Variants in HEATR4 observed in about 807,000 individuals in gnomAD.
HEATR4 encodes HEAT repeat-containing protein 4.
Under a neutral mutation model 108.8 loss-of-function variants are expected in HEATR4, and 95 were observed. The observed-to-expected ratio is 0.87, with a 90% CI of 0.74 to 1.04. The LOEUF (loss-of-function observed/expected upper bound fraction) is 1.04, where lower values mean the gene tolerates loss of function less well. HEATR4 is among the 50% of genes least tolerant of loss of function. The probability of loss-of-function intolerance (pLI) is 0.00; values close to 1 mark genes in which losing one functional copy is unlikely to be tolerated. For missense variants in HEATR4, 1,152 were observed against 1,253.8 expected, an observed-to-expected ratio of 0.92 and a Z score of 1.23; for synonymous variants, 443 against 459.4, an observed-to-expected ratio of 0.96 and a Z score of 0.46.
chr14:73,586,021 C>CAA, the HEATR4 span, among the ~76,000 whole-genome samples: 33 of 96,458 alleles, frequency 3.4e-4, no homozygotes, highest in African/African-American at 6.4e-4. Context: ...AAAAAAAAAC[C>CAA]AAAAAAAAAA....
intron 1 of HEATR4, among the ~76,000 whole-genome samples, chr14:73,552,757 C>A (rs1889342049): frequency 9.4e-6 from 1 of 106,570 alleles, no homozygotes; most frequent in Non-Finnish European, 1.9e-5. Context: ...CCCACAACAC[C>A]TTGGGCCCTC....
At chr14:73,558,267 A>C in intron 1 of HEATR4, among the ~76,000 whole-genome samples, 2 of 137,080 alleles carry the variant, frequency 1.5e-5, no homozygotes, top group East Asian at 2.2e-4. Context: ...TTTCCCCTCT[A>C]CTTTCTAATT....
At chr14:73,529,989 G>A (rs1266031088) in intron 2 of HEATR4, among the ~76,000 whole-genome samples, 177 bp downstream of exon 2, 1 of 140,508 alleles carries the variant, frequency 7.1e-6, no homozygotes, top group Non-Finnish European at 1.5e-5. Context: ...TTTGAGACAG[G>A]GCCTCACTCT....
chr14:73,532,954 C>CA lies in HEATR4; in HGVS notation c.-151-2711dup, dbSNP rs1238461025. On this transcript the variant is annotated intron_variant, in intron 1 of 17. Transcript: ENST00000553558. ...TGGGTGACAGAGCAAGACTCCATCT[C>CA]AAAAAAATAAATAAATAAATAAAAA... Among the ~76,000 whole-genome samples the CA allele has an allele frequency of 7.4e-3, 763 of 103,766 alleles. 140 individuals carry two copies. The highest frequency in any genetic ancestry group is 0.021 in the African/African-American group (707 of 32,904). 68.1% of individuals were successfully genotyped at this position (103,766 alleles called of 152,430 possible). A position where few individuals can be genotyped will look rare whatever the true frequency, so the allele number is the denominator to read the frequency against.
the HEATR4 span, among the ~76,000 whole-genome samples, chr14:73,594,710 T>C: frequency 2.6e-5 from 4 of 151,060 alleles, no homozygotes; most frequent in Non-Finnish European, 5.9e-5. Flanking sequence ...ATTTATTTAT[T>C]TATCTTTTGA....
chr14:73,502,939 C>T lies in HEATR4; in HGVS notation c.2061G>A (p.Ala687=), dbSNP rs766767211. ...CTTTCCCGAGGCTCATTTGCCCAAG[C>T]GCCTGTGCAGCTGCTCTCCTCACTT... The part of the protein sequence containing the change: ...NKEVRRAAAQ[A]LGQMSLGKEV... Residue 687 remains alanine (A), a synonymous_variant, in exon 11 of 18, where the codon GCG becomes GCA. Transcript: ENST00000553558. The T allele has an allele frequency of 2.1e-5, 34 of 1,614,052 alleles. No individual in the cohort carries two copies. The highest frequency in any genetic ancestry group is 1.6e-4 in the Middle Eastern group (1 of 6,062).
chr14:73,578,537 C>T, the HEATR4 span, among the ~76,000 whole-genome samples: 2 of 152,020 alleles, frequency 1.3e-5, no homozygotes, highest in East Asian at 3.8e-4. Context: ...CCTAGTTAGT[C>T]TTTATTAGTT....
the HEATR4 span, chr14:73,568,182 T>C: frequency 1.3e-5 from 2 of 151,854 alleles, no homozygotes; most frequent in African/African-American, 4.8e-5. Context: ...ACATGAGAGA[T>C]TTGGAACGAG....
chr14:73,583,348 CAAAA>C, the HEATR4 span, among the ~76,000 whole-genome samples: 11 of 129,094 alleles, frequency 8.5e-5, no homozygotes, highest in Admixed American at 1.5e-4. Context: ...GACTCCGTCT[CAAAA>C]AAAAAAAAAA....
chr14:73,556,301 C>T (rs7141377), intron 1 of HEATR4, among the ~76,000 whole-genome samples: 13,212 of 106,358 alleles, frequency 0.12, 3,856 homozygotes, highest in African/African-American at 0.36. Context: ...GGCAGGCACC[C>T]GTAATCCCAG....
the HEATR4 span, among the ~76,000 whole-genome samples, chr14:73,600,927 G>A: frequency 6.6e-6 from 1 of 151,754 alleles, no homozygotes; most frequent in African/African-American, 2.4e-5. Context: ...TCACCTGAGA[G>A]GTCAGGAGTT....
the HEATR4 span, among the ~76,000 whole-genome samples, chr14:73,576,045 T>C: frequency 2.0e-5 from 3 of 151,874 alleles, no homozygotes; most frequent in African/African-American, 7.3e-5. Flanking sequence ...CACAGCTACT[T>C]GGGAGGCTGA....
the HEATR4 span, chr14:73,592,347 C>T: frequency 6.3e-7 from 1 of 1,596,966 alleles, no homozygotes; most frequent in African/African-American, 1.3e-5. Context: ...GCGCCACTTC[C>T]TCCCGCCAGG....
the HEATR4 span, among the ~76,000 whole-genome samples, chr14:73,590,297 T>TACAC: frequency 6.6e-6 from 1 of 152,218 alleles, no homozygotes; most frequent in African/African-American, 2.4e-5. Flanking sequence ...AGAGTGCCGA[T>TACAC]TGGTGTATTC....
the HEATR4 span, chr14:73,573,555 G>C: frequency 6.2e-7 from 1 of 1,613,660 alleles, no homozygotes; most frequent in Non-Finnish European, 8.5e-7. Context: ...GGAGTACTTT[G>C]AAGAAGCCAT....
At position 73,498,080 on chromosome 14, in the gene HEATR4, G is replaced by A. The variant is rs1886207682; in HGVS notation, c.2546+75C>T. The A allele has an allele frequency of 2.9e-6, 4 of 1,373,926 alleles. No homozygotes were observed. The African/African-American group carries it at 5.8e-5, about 20-fold the overall frequency. 85.1% of individuals were successfully genotyped at this position (1,373,926 alleles called of 1,614,324 possible). A position where few individuals can be genotyped will look rare whatever the true frequency, so the allele number is the denominator to read the frequency against. Reference sequence around the variant, plus strand: ...GCCATTAGGTAGCCTGGAAAGGCAGGGACATATTCAATGAGCAAAGATGTG... The same window carrying A: ...GCCATTAGGTAGCCTGGAAAGGCAGAGACATATTCAATGAGCAAAGATGTG... On this transcript the variant is annotated intron_variant, in intron 14 of 17. Coordinates refer to ENST00000553558, the MANE Select transcript of HEATR4 (RefSeq NM_001220484.1).
intron 13 of HEATR4, 140 bp from the exon 14 acceptor site, chr14:73,498,484 G>A: frequency 1.5e-6 from 1 of 675,228 alleles, no homozygotes; most frequent in Non-Finnish European, 2.4e-6. Flanking sequence ...AGGTCAGAAT[G>A]GGACATTACC....
chr14:73,547,438 G>A (rs1889249771), intron 1 of HEATR4, among the ~76,000 whole-genome samples: 2 of 114,976 alleles, frequency 1.7e-5, no homozygotes, highest in South Asian at 5.5e-4. Context: ...TAAACTCCTG[G>A]GCTCAGGCAA....
chr14:73,528,146 A>G (rs1481784582), intron 2 of HEATR4, among the ~76,000 whole-genome samples: 1 of 150,736 alleles, frequency 6.6e-6, no homozygotes, highest in Non-Finnish European at 1.5e-5. Context: ...TGTAATCCCA[A>G]CACTTTGGGA....
Sources: allele counts gnomAD v4.1 joint callset (sites outside exome capture counted in the v4.1 genomes callset), GRCh38; gene constraint gnomAD v4.1.1; transcripts MANE v1.5; gene names NCBI Gene and HGNC (gene_info 2026-07-23, HGNC 2026-07-21).